The following LCP1 variants were observed in gnomAD, a reference collection of about 807,000 sequenced individuals.
The protein encoded by LCP1 is lymphocyte cytosolic protein 1, also known as plastin-2.
Under a neutral mutation model 72.0 loss-of-function variants are expected in LCP1, and 23 were observed. The ratio of observed to expected loss-of-function variants is 0.32; its 90% CI spans 0.23 to 0.45. LCP1 has a LOEUF of 0.45. LCP1 is among the 20% of genes least tolerant of loss of function. LCP1 has a pLI of 1.00. For missense variants in LCP1, 571 were observed against 748.3 expected (o/e 0.76, Z 2.76); for synonymous variants, 245 against 275.4 (o/e 0.89, Z 1.09).
chr13:46,137,424 C>A (rs1189412406), intron 13 of LCP1, among the ~76,000 whole-genome samples: 2 of 152,028 alleles, frequency 1.3e-5, no homozygotes, highest in African/African-American at 2.4e-5. Context: ...GTAATCCCAG[C>A]TATTTGGTGG....
intron 14 of LCP1, among the ~76,000 whole-genome samples, chr13:46,132,205 T>C (rs1593941396): frequency 6.6e-6 from 1 of 152,140 alleles, no homozygotes; most frequent in Non-Finnish European, 1.5e-5. Context: ...ACCTTTCTAA[T>C]AGTGAACCCC....
At chr13:46,150,150 C>T (rs556215549) in intron 8 of LCP1, among the ~76,000 whole-genome samples, 18 of 152,282 alleles carry the variant, frequency 1.2e-4, no homozygotes, top group Non-Finnish European at 2.4e-4. Flanking sequence ...GACTCTTTCT[C>T]TTTGGGGAAA....
rs1276234627 is a variant in LCP1, at chr13:46,127,734, G to GA, written c.1752-12dup. ...ATAGAGATGGCATATCTAAAAGGGAGAAAAGAGGAAAAATAAGGAGAGCCT... is the reference window on the plus strand; with the variant it reads ...ATAGAGATGGCATATCTAAAAGGGAGAAAAAGAGGAAAAATAAGGAGAGCCT... On this transcript the variant is annotated splice_polypyrimidine_tract_variant and intron_variant, in intron 15 of 15. Transcript: ENST00000323076. 1 of 1,613,836 alleles carries GA rather than the reference G, an allele frequency of 6.2e-7. No homozygotes were observed. The highest frequency in any genetic ancestry group is 1.1e-5 in the South Asian group (1 of 91,042).
chr13:46,147,485 A>C (rs553947603), intron 9 of LCP1, among the ~76,000 whole-genome samples: 1 of 152,264 alleles, frequency 6.6e-6, no homozygotes, highest in Non-Finnish European at 1.5e-5. Flanking sequence ...GTCTATCAAA[A>C]ATTTTATTTA....
chr13:46,155,003 T>A, intron 5 of LCP1, 117 bp from the exon 6 acceptor site: 1 of 764,868 alleles, frequency 1.3e-6, no homozygotes, highest in Non-Finnish European at 2.2e-6. Flanking sequence ...GAATCTGTGA[T>A]GTTTAGATAT....
chr13:46,153,135 C>T (rs914775125), intron 6 of LCP1, 190 bp from the exon 7 acceptor site: 20 of 539,918 alleles, frequency 3.7e-5, no homozygotes, highest in South Asian at 1.1e-4. Flanking sequence ...ACCCAGACAC[C>T]GACCACTCAT....
chr13:46,176,276 GA>G (rs1161259901), intron 1 of LCP1, among the ~76,000 whole-genome samples: 7 of 152,256 alleles, frequency 4.6e-5, no homozygotes, highest in South Asian at 4.1e-4. Context: ...CTCATCACTA[GA>G]CATTGTATGT....
chr13:46,131,558 T>C (rs1307465031), intron 14 of LCP1, among the ~76,000 whole-genome samples: 2 of 152,318 alleles, frequency 1.3e-5, no homozygotes, highest in East Asian at 3.9e-4. Flanking sequence ...TGCATGCTTG[T>C]GTTCATCGCA....
intron 1 of LCP1, among the ~76,000 whole-genome samples, chr13:46,171,243 G>A (rs1039609269): frequency 7.2e-5 from 11 of 152,140 alleles, no homozygotes; most frequent in East Asian, 1.9e-4. Flanking sequence ...GCCCAGGGTC[G>A]CACAGCTATA....
At chr13:46,152,658 G>T in intron 7 of LCP1, 122 bp downstream of exon 7, 1 of 945,570 alleles carries the variant, frequency 1.1e-6, no homozygotes, top group Non-Finnish European at 1.5e-6. Flanking sequence ...TGAATACCAT[G>T]GAATCAATAT....
At chr13:46,136,588 T>C (rs2045666505) in intron 13 of LCP1, among the ~76,000 whole-genome samples, 1 of 152,176 alleles carries the variant, frequency 6.6e-6, no homozygotes, top group Non-Finnish European at 1.5e-5. Flanking sequence ...TAAGTGCAGA[T>C]AGATTTTCAA....
chr13:46,168,435 G>C (rs1458151242), intron 1 of LCP1: 3 of 152,238 alleles, frequency 2.0e-5, no homozygotes, highest in African/African-American at 7.2e-5. Flanking sequence ...CGCTCCTGGG[G>C]GCTGGGGGGC....
Position 46,127,181 on chromosome 13 carries a change from G to C in LCP1, c.*410C>G. ...ACCTCCAGGAACAGGGTTTAGGGCA[G>C]GTGTGATGTTTCCCCTCCTGGCCCT... On this transcript the variant is annotated 3_prime_UTR_variant, in exon 16 of 16. Transcript: ENST00000323076. 1 of 240,120 alleles carries C rather than the reference G, an allele frequency of 4.2e-6. No individual in the cohort carries two copies. Among genetic ancestry groups the C allele is most frequent in the Non-Finnish European group, 8.2e-6 (1 of 122,286 alleles). 14.9% of individuals were successfully genotyped at this position (240,120 alleles called of 1,614,324 possible). A position where few individuals can be genotyped will look rare whatever the true frequency, so the allele number is the denominator to read the frequency against.
Position 46,142,363 on chromosome 13 carries a change from GCCA to G in LCP1, c.1428_1430del (p.Gly477del), listed in dbSNP as rs781629310. 1.2e-6 allele frequency: 2 copies of G among 1,613,984 alleles called. No individual in the cohort carries two copies. Among genetic ancestry groups the G allele is most frequent in the Non-Finnish European group, 1.7e-6 (2 of 1,179,926 alleles). On this transcript the variant is annotated inframe_deletion, in exon 13 of 16. Coordinates refer to ENST00000323076, the MANE Select transcript of LCP1 (RefSeq NM_002298.5). ...CTTCATTGAGATCTTGTCCACCGAT[GCCA>G]ACCAGGGAGAACTTCGCTTGATTCT...
intron 6 of LCP1, among the ~76,000 whole-genome samples, chr13:46,153,753 C>T (rs1043112083): frequency 3.3e-5 from 5 of 151,530 alleles, no homozygotes; most frequent in Admixed American, 1.3e-4. Flanking sequence ...ATTAAAATTC[C>T]TGGAAAAGAT....
At chr13:46,144,658 G>T in intron 10 of LCP1, 138 bp from the exon 11 acceptor site, 3 of 647,156 alleles carry the variant, frequency 4.6e-6, no homozygotes, top group South Asian at 1.8e-5. Context: ...TATTGGATTT[G>T]GACGAGGGTT....
intron 6 of LCP1, 91 bp downstream of exon 6, chr13:46,154,714 G>T: frequency 9.7e-7 from 1 of 1,029,878 alleles, no homozygotes; most frequent in Non-Finnish European, 1.5e-6. Context: ...TGCGAATGAT[G>T]TCTGAGCCCC....
At chr13:46,137,838 A>T (rs1478681355) in intron 13 of LCP1, among the ~76,000 whole-genome samples, 1 of 152,222 alleles carries the variant, frequency 6.6e-6, no homozygotes, top group Admixed American at 6.5e-5. Flanking sequence ...CTCCTTCAAC[A>T]AGAGAGTTGA....
intron 10 of LCP1, among the ~76,000 whole-genome samples, chr13:46,146,591 T>C (rs2045732169): frequency 6.6e-6 from 1 of 152,220 alleles, no homozygotes; most frequent in African/African-American, 2.4e-5. Context: ...ACACAGTCCA[T>C]TAAGTACGTA....
Sources: allele counts gnomAD v4.1 joint callset (sites outside exome capture counted in the v4.1 genomes callset), GRCh38; gene constraint gnomAD v4.1.1; transcripts MANE v1.5; gene names NCBI Gene and HGNC (gene_info 2026-07-23, HGNC 2026-07-21).